Variants in THSD4 observed in about 807,000 individuals in gnomAD.
THSD4 encodes the protein thrombospondin type 1 domain containing 4.
Under a neutral mutation model 119.0 loss-of-function variants are expected in THSD4, and 69 were observed. The observed-to-expected ratio is 0.58, with a 90% CI of 0.48 to 0.71. THSD4 has a LOEUF of 0.71. Ranked by LOEUF, THSD4 falls within the 30% of genes least tolerant of loss-of-function variation. The probability of loss-of-function intolerance (pLI) is 0.00; values close to 1 mark genes in which losing one functional copy is unlikely to be tolerated. For missense variants in THSD4, 1,393 were observed against 1,391.1 expected, an observed-to-expected ratio of 1.00 and a Z score of -0.02; for synonymous variants, 524 against 540.4, an observed-to-expected ratio of 0.97 and a Z score of 0.42.
intron 7 of THSD4, among the ~76,000 whole-genome samples, chr15:71,493,039 G>C (rs1471835996): frequency 1.3e-5 from 2 of 152,088 alleles, no homozygotes; most frequent in East Asian, 3.9e-4. Flanking sequence ...TGGCTTAGAG[G>C]AGTCGACAAG....
intron 7 of THSD4, among the ~76,000 whole-genome samples, chr15:71,603,237 G>T (rs1290292840): frequency 3.3e-5 from 5 of 152,198 alleles, no homozygotes; most frequent in Non-Finnish European, 7.3e-5. Context: ...ACATTGAAGG[G>T]TGAGGGGAAT....
At chr15:71,359,446 A>T in intron 6 of THSD4, among the ~76,000 whole-genome samples, 1 of 152,318 alleles carries the variant, frequency 6.6e-6, no homozygotes, top group Middle Eastern at 3.4e-3. Flanking sequence ...CAGATGAGCA[A>T]ACTGAGGCTT....
chr15:71,464,335 G>T (rs2047469884), intron 7 of THSD4, among the ~76,000 whole-genome samples: 1 of 152,162 alleles, frequency 6.6e-6, no homozygotes, highest in African/African-American at 2.4e-5. Context: ...GAGAAGACTG[G>T]GTTCCAGTTC....
intron 5 of THSD4, among the ~76,000 whole-genome samples, chr15:71,250,475 C>G (rs566171344): frequency 3.7e-4 from 57 of 152,252 alleles, no homozygotes; most frequent in African/African-American, 1.3e-3. Context: ...CATGCACTAC[C>G]ATGCTCAGCT....
chr15:71,241,500 G>C (rs1237330515), intron 4 of THSD4, among the ~76,000 whole-genome samples: 1 of 152,160 alleles, frequency 6.6e-6, no homozygotes, highest in Admixed American at 6.5e-5. Flanking sequence ...TTGGGGTCTT[G>C]AAAACTATGG....
intron 1 of THSD4, among the ~76,000 whole-genome samples, chr15:71,116,487 T>A (rs1461398057): frequency 6.6e-6 from 1 of 152,120 alleles, no homozygotes; most frequent in Non-Finnish European, 1.5e-5. Flanking sequence ...GTAAGTTTTT[T>A]AAGCAGTCCG....
At chr15:71,564,454 T>C (rs773127127) in intron 7 of THSD4, among the ~76,000 whole-genome samples, 4 of 151,982 alleles carry the variant, frequency 2.6e-5, no homozygotes, top group African/African-American at 9.7e-5. Flanking sequence ...TTGAAGAAGA[T>C]TGGAGGTGGA....
At chr15:71,206,609 T>G (rs1042329786) in intron 3 of THSD4, among the ~76,000 whole-genome samples, 1 of 152,220 alleles carries the variant, frequency 6.6e-6, no homozygotes, top group Non-Finnish European at 1.5e-5. Flanking sequence ...GGGAGGTTTA[T>G]TTTGTAGAAA....
chr15:71,240,173 C>T (rs1445494681), intron 4 of THSD4, among the ~76,000 whole-genome samples: 1 of 152,168 alleles, frequency 6.6e-6, no homozygotes, highest in Non-Finnish European at 1.5e-5. Flanking sequence ...AAGATGTTTA[C>T]ACAAGTCATC....
At chr15:71,632,429 A>T (rs533409389) in intron 7 of THSD4, among the ~76,000 whole-genome samples, 2 of 152,222 alleles carry the variant, frequency 1.3e-5, no homozygotes, top group South Asian at 4.2e-4. Flanking sequence ...ATTTCCAGGG[A>T]TTGTTTGCAA....
chr15:71,376,961 G>C (rs2046145038), intron 6 of THSD4, among the ~76,000 whole-genome samples: 1 of 152,208 alleles, frequency 6.6e-6, no homozygotes, highest in African/African-American at 2.4e-5. Context: ...AGGAGATGCT[G>C]TACGAATACT....
chr15:71,163,230 T>C (rs903937320), intron 3 of THSD4, among the ~76,000 whole-genome samples: 1 of 151,948 alleles, frequency 6.6e-6, no homozygotes, highest in African/African-American at 2.4e-5. Flanking sequence ...TGTGTTGATG[T>C]CTGTGCATCT....
At chr15:71,429,355 A>G (rs2046913697) in intron 7 of THSD4, among the ~76,000 whole-genome samples, 1 of 152,264 alleles carries the variant, frequency 6.6e-6, no homozygotes, top group African/African-American at 2.4e-5. Context: ...TTGGGCCCAC[A>G]GAGCAGACAA....
intron 15 of THSD4, 117 bp downstream of exon 15, chr15:71,758,192 T>G: frequency 8.1e-7 from 1 of 1,231,238 alleles, no homozygotes; most frequent in South Asian, 1.6e-5. Context: ...GCAGTGCCAC[T>G]GTCTATCTGT....
intron 1 of THSD4, among the ~76,000 whole-genome samples, chr15:71,125,609 G>A (rs891386041): frequency 5.9e-5 from 9 of 152,226 alleles, no homozygotes; most frequent in Non-Finnish European, 8.8e-5. Flanking sequence ...CTGAGACCGC[G>A]GCTGGCCAGC....
At chr15:71,153,329 G>C (rs796678280) in intron 2 of THSD4, among the ~76,000 whole-genome samples, 7 of 152,336 alleles carry the variant, frequency 4.6e-5, no homozygotes, top group African/African-American at 1.7e-4. Flanking sequence ...GGAGGTGAGT[G>C]AGGGATGGCG....
chr15:71,126,819 A>G (rs1021309388), intron 1 of THSD4, among the ~76,000 whole-genome samples: 1 of 152,242 alleles, frequency 6.6e-6, no homozygotes, highest in East Asian at 1.9e-4. Flanking sequence ...TAGATTGACA[A>G]TTTATAACTG....
At chr15:71,244,220 T>C (rs2044179876) in intron 5 of THSD4, among the ~76,000 whole-genome samples, 1 of 152,214 alleles carries the variant, frequency 6.6e-6, no homozygotes, top group South Asian at 2.1e-4. Flanking sequence ...TAGAACCAAC[T>C]ATCAATGTTA....
intron 7 of THSD4, among the ~76,000 whole-genome samples, chr15:71,659,811 GA>G (rs1431836818): frequency 6.6e-6 from 1 of 152,206 alleles, no homozygotes; most frequent in Non-Finnish European, 1.5e-5. Flanking sequence ...GTAATGGGAA[GA>G]TTCCTTTTGT....
Sources: allele counts gnomAD v4.1 joint callset (sites outside exome capture counted in the v4.1 genomes callset), GRCh38; gene constraint gnomAD v4.1.1; transcripts MANE v1.5; gene names NCBI Gene and HGNC (gene_info 2026-07-23, HGNC 2026-07-21).